Variants in SRRT observed in about 807,000 individuals in gnomAD.
The protein encoded by SRRT is serrate, RNA effector molecule.
In SRRT, 32 loss-of-function variants were observed where a neutral mutation model predicts 103.2. That is an observed-to-expected ratio of 0.31 (90% CI 0.23 to 0.42). SRRT has a LOEUF of 0.42. Ranked by LOEUF, SRRT falls within the 10% of genes least tolerant of loss-of-function variation. SRRT has a pLI of 1.00. For synonymous variants in SRRT, 525 were observed against 449.0 expected, an observed-to-expected ratio of 1.17 and a Z score of -2.14; for missense variants, 986 against 1,207.5, an observed-to-expected ratio of 0.82 and a Z score of 2.72.
intron 5 of SRRT, among the ~76,000 whole-genome samples, chr7:100,883,617 G>A (rs372182054): frequency 1.6e-4 from 24 of 152,176 alleles, no homozygotes; most frequent in Admixed American, 1.1e-3. Context: ...CTTCCACCTC[G>A]GGGTGGAGGG....
intron 5 of SRRT, 95 bp from the exon 6 acceptor site, chr7:100,883,975 G>A (rs1339775525): frequency 1.5e-6 from 2 of 1,368,016 alleles, no homozygotes; most frequent in African/African-American, 1.5e-5. Flanking sequence ...GTGAGAGGAA[G>A]GGGGATATGC....
chr7:100,882,015 C>A lies in SRRT; in HGVS notation c.399-38C>A. 1 of 1,590,688 alleles carries A rather than the reference C, an allele frequency of 6.3e-7. No individual in the cohort carries two copies. On this transcript the variant is annotated intron_variant, in intron 4 of 19. Transcript: ENST00000611405. The surrounding 1 kb of genome is among the most constrained non-coding windows in gnomAD (Gnocchi z 4.2). ...TGGCCCCTGTAGCCTCCCACCGTTC[C>A]CCAAAAACCAAGCCTTCCTGACCGG...
At chr7:100,876,190 C>T (rs1815687958) in intron 2 of SRRT, among the ~76,000 whole-genome samples, 2 of 152,190 alleles carry the variant, frequency 1.3e-5, no homozygotes, top group South Asian at 2.1e-4. Flanking sequence ...CTTGCCCTGT[C>T]GCCCAGGCTG....
chr7:100,885,220 G>A lies in SRRT; in HGVS notation c.1167G>A (p.Ala389=), dbSNP rs376935428. ...ACCCCCCTTCCTGCCTAGAAGAAGC[G>A]CTCAAGGAGAAGGAGAAGCCCAAGG... is the stretch of plus-strand genomic sequence containing the variant. The part of the protein sequence containing the change: ...AEEEKEEAEE[A]LKEKEKPKEE... The change falls in exon 10 of 20, where the codon GCG becomes GCA. Residue 389 remains alanine (A), a synonymous_variant. Coordinates refer to ENST00000611405, the MANE Select transcript of SRRT (RefSeq NM_015908.6). The surrounding 1 kb of genome is among the most constrained non-coding windows in gnomAD (Gnocchi z 4.8). The A allele has an allele frequency of 5.6e-5, 90 of 1,613,748 alleles. No individual in the cohort carries two copies. Among genetic ancestry groups the A allele is most frequent in the Non-Finnish European group, 6.8e-5 (80 of 1,179,912 alleles).
At chr7:100,877,646 C>T (rs1194177016) in intron 2 of SRRT, among the ~76,000 whole-genome samples, 5 of 151,672 alleles carry the variant, frequency 3.3e-5, no homozygotes, top group East Asian at 2.0e-4. Flanking sequence ...CTCAGCCTCC[C>T]GAGTTGCTGG....
intron 2 of SRRT, among the ~76,000 whole-genome samples, chr7:100,879,141 A>G (rs1816045242): frequency 6.6e-6 from 1 of 152,118 alleles, no homozygotes; most frequent in Admixed American, 6.6e-5. Context: ...TATTTAGCAG[A>G]GACAGGGTTT....
At chr7:100,875,548 C>T (rs191206303) in intron 1 of SRRT, 25 bp from the exon 2 acceptor site, 37 of 1,611,844 alleles carry the variant, frequency 2.3e-5, no homozygotes, top group Non-Finnish European at 3.1e-5. Context: ...TTGCACCACT[C>T]CTACCGCCTC....
In SRRT at chr7:100,887,667, T is replaced by G. The variant is rs199830208; in HGVS notation, c.2170-36T>G. On this transcript the variant is annotated intron_variant, in intron 16 of 19. Coordinates refer to ENST00000611405, the MANE Select transcript of SRRT (RefSeq NM_015908.6). The surrounding 1 kb of genome is among the most constrained non-coding windows in gnomAD (Gnocchi z 4.1). The stretch of plus-strand genomic sequence containing the variant: ...GGGCCTGGGAGCGAGGCAACCCTTA[T>G]GTGGCTGTCCTGACCCCTCTCCTCT... 2 of 1,593,502 alleles carry G rather than the reference T, an allele frequency of 1.3e-6. No individual in the cohort carries two copies. The highest frequency in any genetic ancestry group is 1.7e-5 in the Admixed American group (1 of 59,220).
At chr7:100,881,524 C>T in intron 3 of SRRT, 111 bp downstream of exon 3, 1 of 1,562,270 alleles carries the variant, frequency 6.4e-7, no homozygotes, top group Non-Finnish European at 8.7e-7. Context: ...CTCAACTTCC[C>T]ATCACCCATC....
intron 12 of SRRT, 65 bp from the exon 13 acceptor site, chr7:100,886,182 A>G: frequency 6.5e-7 from 1 of 1,543,930 alleles, no homozygotes; most frequent in Non-Finnish European, 8.8e-7. Context: ...GAAGGGTCTT[A>G]GAGCTGCTGT....
rs11973842 is a variant in SRRT, at chr7:100,885,199, C to G, written c.1160-14C>G. On this transcript the variant is annotated splice_polypyrimidine_tract_variant and intron_variant, in intron 9 of 19. Transcript: ENST00000611405. The surrounding 1 kb of genome is among the most constrained non-coding windows in gnomAD (Gnocchi z 4.8). Reference sequence around the variant, plus strand: ...AAAATGCACCAACTCCTTCCTACCCCCCTTCCTGCCTAGAAGAAGCGCTCA... The same window carrying G: ...AAAATGCACCAACTCCTTCCTACCCGCCTTCCTGCCTAGAAGAAGCGCTCA... 1.5e-3 allele frequency: 2,362 copies of G among 1,611,418 alleles called. 18 individuals carry two copies. The African/African-American group carries it at 0.025, about 17-fold the overall frequency.
At chr7:100,876,071 G>A in intron 2 of SRRT, 1 of 215,388 alleles carries the variant, frequency 4.6e-6, no homozygotes, top group South Asian at 5.8e-5. Flanking sequence ...CCACCTCCCG[G>A]GCTCAACCGA....
At position 100,887,618 on chromosome 7, in the gene SRRT, G is replaced by A. The variant is rs574005726; in HGVS notation, c.2170-85G>A. ...GGAACTGCTTACTGCACTGGCAGGCGGGAGCTGGGAATCCTTCCAGCTCGG... is the reference window on the plus strand; with the variant it reads ...GGAACTGCTTACTGCACTGGCAGGCAGGAGCTGGGAATCCTTCCAGCTCGG... On this transcript the variant is annotated intron_variant, in intron 16 of 19. Transcript: ENST00000611405. The surrounding 1 kb of genome is among the most constrained non-coding windows in gnomAD (Gnocchi z 4.1). 116 of 1,575,474 alleles carry A rather than the reference G, an allele frequency of 7.4e-5. 1 individual carries two copies. In the South Asian group the frequency reaches 1.2e-3, roughly 16 times the overall value.
At chr7:100,881,242 C>T (rs1282690920) in intron 2 of SRRT, 43 bp from the exon 3 acceptor site, 17 of 1,586,814 alleles carry the variant, frequency 1.1e-5, no homozygotes, top group African/African-American at 9.4e-5. Context: ...GCATGAGCCA[C>T]TGTGCCTGGC....
Position 100,888,253 on chromosome 7 carries a change from A to G in SRRT, c.2429-4A>G, listed in dbSNP as rs765393282. 6.8e-6 allele frequency: 11 copies of G among 1,606,716 alleles called. No homozygotes were observed. The highest frequency in any genetic ancestry group is 2.2e-5 in the East Asian group (1 of 44,662). ...TTGCAACTCAACACTGATCTCTGTC[A>G]TAGCTGGTGCTGTCCGCCCTGCAGT... On this transcript the variant is annotated splice_polypyrimidine_tract_variant and splice_region_variant and intron_variant, in intron 18 of 19. Transcript: ENST00000611405.
chr7:100,875,821 T>A, intron 2 of SRRT, 109 bp downstream of exon 2: 1 of 1,397,032 alleles, frequency 7.2e-7, no homozygotes, highest in South Asian at 1.2e-5. Context: ...TCCTATGAAA[T>A]GGCTCATTGG....
Position 100,887,941 on chromosome 7 carries a change from C to CGA in SRRT, c.2326+85_2326+86dup. ...CCTGTTTCTCTTTAACGTGTCACCC[C>CGA]GAGAAGTTTCTGCCCCATCCTCAGG... is the stretch of plus-strand genomic sequence containing the variant. On this transcript the variant is annotated intron_variant, in intron 17 of 19. Transcript: ENST00000611405. The surrounding 1 kb of genome is among the most constrained non-coding windows in gnomAD (Gnocchi z 4.1). The CGA allele has an allele frequency of 6.5e-7, 1 of 1,543,894 alleles. No homozygotes were observed. The highest frequency in any genetic ancestry group is 1.2e-5 in the South Asian group (1 of 82,330).
rs766142137 is a variant in SRRT at position 100,887,102 on chromosome 7, A to C, written c.1877A>C (p.Asn626Thr). The change falls in exon 15 of 20, where the codon AAC (asparagine) becomes ACC (threonine). Residue 626 changes from asparagine (N) to threonine (T), a missense_variant. Asn to Thr is a moderately conservative substitution (Grantham distance 65, BLOSUM62 0). Around this residue, in one of 6 missense-constraint regions of SRRT, gnomAD observed 349 missense variants for 446.9 expected, o/e 0.78. Coordinates refer to ENST00000611405, the MANE Select transcript of SRRT (RefSeq NM_015908.6). The surrounding 1 kb of genome is among the most constrained non-coding windows in gnomAD (Gnocchi z 4.1). Reference protein sequence around the residue: ...LRIVHSLDYYNTCEYPNEDEM... With the variant: ...LRIVHSLDYYTTCEYPNEDEM... Reference sequence around the variant, plus strand: ...ATCGTGCATTCCTTGGATTATTACAACACCTGTGAGTACCCCAACGAGGAC... The same window carrying C: ...ATCGTGCATTCCTTGGATTATTACACCACCTGTGAGTACCCCAACGAGGAC... 1.2e-6 allele frequency: 2 copies of C among 1,614,124 alleles called. No homozygotes were observed. Among genetic ancestry groups the C allele is most frequent in the South Asian group, 2.2e-5 (2 of 91,082 alleles).
Position 100,886,258 on chromosome 7 carries a change from T to G in SRRT, c.1470T>G (p.Cys490Trp). Reference protein sequence around the residue: ...WNLQNIRLRECELSPGVNRDL... With the variant: ...WNLQNIRLREWELSPGVNRDL... ...TGTCTGCCCTCCAGCTCCGGGAGTG[T>G]GAGCTGAGCCCTGGTGTGAACAGGG... Residue 490 changes from cysteine (C) to tryptophan (W), a missense_variant, in exon 13 of 20, where the codon TGT becomes TGG. Physicochemically the swap from Cys to Trp is radical, Grantham distance 215 (BLOSUM62 -2). Transcript: ENST00000611405. 6.2e-7 allele frequency: 1 copy of G among 1,611,496 alleles called. No homozygotes were observed. The highest frequency in any genetic ancestry group is 8.5e-7 in the Non-Finnish European group (1 of 1,179,398).
Sources: gnomAD v4.1 joint callset for allele counts (sites outside exome capture counted in the v4.1 genomes callset) on GRCh38, gnomAD v4.1.1 for gene constraint, gnomAD v4.1.1 regional missense constraint, Gnocchi (gnomAD v3.1) non-coding constraint, MANE v1.5 for transcripts, NCBI Gene and HGNC (gene_info 2026-07-23, HGNC 2026-07-21) for gene names.